XKR9: variants seen among roughly 807,000 people sequenced by gnomAD.
XKR9 encodes XK related 9.
Under a neutral mutation model 32.0 loss-of-function variants are expected in XKR9, and 32 were observed. That is an observed-to-expected ratio of 1.00 (90% CI 0.76 to 1.34). XKR9 has a LOEUF of 1.34. XKR9 is among the 40% of genes most tolerant of loss of function. The probability of loss-of-function intolerance (pLI) is 0.00; values close to 1 mark genes in which losing one functional copy is unlikely to be tolerated. For synonymous variants in XKR9, 168 were observed against 143.4 expected, an observed-to-expected ratio of 1.17 and a Z score of -1.22; for missense variants, 546 against 429.7, an observed-to-expected ratio of 1.27 and a Z score of -2.39.
chr8:70,699,423 A>G (rs202055252), intron 3 of XKR9, among the ~76,000 whole-genome samples: 2 of 151,836 alleles, frequency 1.3e-5, no homozygotes, highest in East Asian at 3.9e-4. Context: ...AAAGTATTTT[A>G]TTTCTCCTTC....
the XKR9 span, among the ~76,000 whole-genome samples, chr8:70,851,263 C>T: frequency 7.2e-5 from 11 of 152,236 alleles, no homozygotes; most frequent in East Asian, 1.7e-3. Flanking sequence ...TTACAAACCA[C>T]TTGTCAAGGA....
At chr8:70,802,038 G>A in the XKR9 span, among the ~76,000 whole-genome samples, 168 of 151,058 alleles carry the variant, frequency 1.1e-3, 2 homozygotes, top group East Asian at 0.03. Flanking sequence ...CCAGGTTCAC[G>A]CCATTCTCCT....
intron 3 of XKR9, among the ~76,000 whole-genome samples, chr8:70,698,418 A>G (rs1353466056): frequency 2.0e-5 from 3 of 152,070 alleles, no homozygotes; most frequent in Admixed American, 2.0e-4. Context: ...GAACATCTTT[A>G]TTTCTGCCTT....
intron 2 of XKR9, among the ~76,000 whole-genome samples, chr8:70,784,303 A>G (rs1162826535): frequency 2.6e-5 from 4 of 152,166 alleles, no homozygotes; most frequent in African/African-American, 7.2e-5. Context: ...TAATATGGAC[A>G]TTTTCACACT....
the XKR9 span, among the ~76,000 whole-genome samples, chr8:70,889,980 C>T: frequency 3.9e-5 from 6 of 151,978 alleles, no homozygotes; most frequent in African/African-American, 1.2e-4. Context: ...GTTTTAAGTT[C>T]CTTGAGGAAT....
chr8:70,894,762 A>C, the XKR9 span, among the ~76,000 whole-genome samples: 1 of 151,988 alleles, frequency 6.6e-6, no homozygotes, highest in Non-Finnish European at 1.5e-5. Context: ...GCAGGCAGGG[A>C]ATCACTTCAA....
chr8:70,793,525 G>A (rs963180246), downstream of XKR9, among the ~76,000 whole-genome samples: 2 of 152,064 alleles, frequency 1.3e-5, no homozygotes, highest in African/African-American at 4.8e-5. Context: ...TTCAGCAGAT[G>A]TGGTCCCTTG....
the XKR9 span, among the ~76,000 whole-genome samples, chr8:71,008,659 CTCTGT>C: frequency 2.6e-5 from 4 of 152,184 alleles, no homozygotes; most frequent in Admixed American, 2.0e-4. Context: ...CAGAATCTCA[CTCTGT>C]TGCACAGGCT....
the XKR9 span, among the ~76,000 whole-genome samples, chr8:70,827,446 G>T: frequency 6.6e-6 from 1 of 152,160 alleles, no homozygotes; most frequent in South Asian, 2.1e-4. Flanking sequence ...GAGAGACTAT[G>T]AGACGGTTGT....
chr8:70,711,610 C>T (rs1563440930), intron 4 of XKR9, among the ~76,000 whole-genome samples: 1 of 151,986 alleles, frequency 6.6e-6, no homozygotes, highest in East Asian at 1.9e-4. Flanking sequence ...GAACAATAGA[C>T]ATCAGGGCTT....
At chr8:70,756,216 G>C (rs528486507) in intron 2 of XKR9, among the ~76,000 whole-genome samples, 1 of 152,184 alleles carries the variant, frequency 6.6e-6, no homozygotes, top group South Asian at 2.1e-4. Flanking sequence ...AATTCTGTTC[G>C]ACTACTCTAT....
the XKR9 span, among the ~76,000 whole-genome samples, chr8:71,025,815 A>G: frequency 0.45 from 68,284 of 151,982 alleles, 16,260 homozygotes; most frequent in Non-Finnish European, 0.53. Context: ...CCTTGAAGCT[A>G]ACTCTAATGA....
At position 70,674,808 on chromosome 8, in the gene XKR9, T is replaced by A. The variant is rs989650956; in HGVS notation, c.-360-10T>A. The A allele has an allele frequency of 1.3e-5, 2 of 152,192 alleles. No individual in the cohort carries two copies. The highest frequency in any genetic ancestry group is 4.8e-5 in the African/African-American group (2 of 41,400). The allele number at this position is 152,192 out of a possible 1,614,324, so 9.4% of individuals were successfully genotyped here. A position where few individuals can be genotyped will look rare whatever the true frequency, so the allele number is the denominator to read the frequency against. On this transcript the variant is annotated splice_polypyrimidine_tract_variant and intron_variant, in intron 1 of 4. Coordinates refer to ENST00000408926, the MANE Select transcript of XKR9 (RefSeq NM_001011720.2). ...AGGTTTACACATCCTTTAATTATAC[T>A]TGTTTTTAGTGAAGAAGAAGTAAAA...
the XKR9 span, among the ~76,000 whole-genome samples, chr8:70,965,483 T>G: frequency 6.6e-6 from 1 of 152,180 alleles, no homozygotes; most frequent in African/African-American, 2.4e-5. Flanking sequence ...TGCGGAGGAG[T>G]ACCTCGTTTT....
chr8:70,669,387 T>G lies in XKR9; in HGVS notation c.-512T>G. ...GCTGCGCGGGCAGTGGTGGGAAGGC[T>G]GGCGCGAGGCGTGAGGTGGCGTGAG... is the stretch of plus-strand genomic sequence containing the variant. On this transcript the variant is annotated 5_prime_UTR_variant, in exon 1 of 5. Transcript: ENST00000408926. 2.3e-6 allele frequency: 1 copy of G among 443,250 alleles called. No homozygotes were observed. The highest frequency in any genetic ancestry group is 4.0e-6 in the Non-Finnish European group (1 of 247,014). The allele number at this position is 443,250 out of a possible 1,614,324, so 27.5% of individuals were successfully genotyped here.
intron 4 of XKR9, among the ~76,000 whole-genome samples, chr8:70,717,631 C>T (rs1403032976): frequency 6.6e-6 from 1 of 152,118 alleles, no homozygotes; most frequent in Non-Finnish European, 1.5e-5. Flanking sequence ...GCCTACAAAA[C>T]CATTTTTTCA....
chr8:70,773,905 A>C (rs1807485787), intron 2 of XKR9, among the ~76,000 whole-genome samples: 4 of 152,194 alleles, frequency 2.6e-5, no homozygotes, highest in Non-Finnish European at 5.9e-5. Flanking sequence ...CTTCATGTAG[A>C]TTAAAAGTAT....
the XKR9 span, among the ~76,000 whole-genome samples, chr8:70,942,214 C>T: frequency 2.0e-5 from 3 of 152,184 alleles, no homozygotes; most frequent in African/African-American, 7.2e-5. Context: ...CAGTCTTGTC[C>T]TAAGGTAAGA....
At chr8:70,788,339 G>A (rs1435105445) in intron 2 of XKR9, among the ~76,000 whole-genome samples, 1 of 152,028 alleles carries the variant, frequency 6.6e-6, no homozygotes, top group African/African-American at 2.4e-5. Flanking sequence ...AACTTTTTCT[G>A]TTTTCTGTTG....
Sources: gnomAD v4.1 joint callset for allele counts (sites outside exome capture counted in the v4.1 genomes callset) on GRCh38, gnomAD v4.1.1 for gene constraint, MANE v1.5 for transcripts, NCBI Gene and HGNC (gene_info 2026-07-23, HGNC 2026-07-21) for gene names.